CLSTN2: variants seen among roughly 807,000 people sequenced by gnomAD.
The protein encoded by CLSTN2 is calsyntenin-2.
Under a neutral mutation model 101.2 loss-of-function variants are expected in CLSTN2, and 48 were observed. That is an observed-to-expected ratio of 0.47 (90% CI 0.38 to 0.60). The LOEUF (loss-of-function observed/expected upper bound fraction) is 0.60. Among genes scored for constraint, CLSTN2 ranks in the 20% least tolerant of loss-of-function variants. CLSTN2 has a pLI of 0.00. For missense variants in CLSTN2, 1,160 were observed against 1,238.2 expected, an observed-to-expected ratio of 0.94 and a Z score of 0.95; for synonymous variants, 481 against 463.6, an observed-to-expected ratio of 1.04 and a Z score of -0.48.
chr3:139,978,259 C>T (rs1366196938), intron 1 of CLSTN2, among the ~76,000 whole-genome samples: 1 of 152,190 alleles, frequency 6.6e-6, no homozygotes, highest in Non-Finnish European at 1.5e-5. Context: ...GGTGTTAGAA[C>T]TGTTTTCTCA....
intron 2 of CLSTN2, among the ~76,000 whole-genome samples, chr3:140,208,629 C>T (rs914163906): frequency 2.6e-5 from 4 of 152,166 alleles, no homozygotes; most frequent in African/African-American, 9.7e-5. Context: ...GCATCCCTGA[C>T]TCAGTTTTCC....
chr3:140,321,263 G>A (rs558415683), intron 2 of CLSTN2, among the ~76,000 whole-genome samples: 26 of 152,226 alleles, frequency 1.7e-4, no homozygotes, highest in East Asian at 5.8e-4. Context: ...ATCCATAGGC[G>A]CAGAGTAAAT....
chr3:140,123,850 G>GTA (rs66933695), intron 1 of CLSTN2, among the ~76,000 whole-genome samples: 58 of 149,730 alleles, frequency 3.9e-4, no homozygotes, highest in East Asian at 7.9e-4. Flanking sequence ...ATGTGTGTGT[G>GTA]TATATATATA....
At chr3:140,316,945 T>C (rs1290960747) in intron 2 of CLSTN2, among the ~76,000 whole-genome samples, 2 of 152,202 alleles carry the variant, frequency 1.3e-5, no homozygotes, top group Non-Finnish European at 2.9e-5. Flanking sequence ...CATGAAATAA[T>C]GCAGGGTAGG....
chr3:140,526,607 A>C (rs1297739951), intron 8 of CLSTN2, among the ~76,000 whole-genome samples: 2 of 150,322 alleles, frequency 1.3e-5, no homozygotes, highest in Non-Finnish European at 3.0e-5. Flanking sequence ...AAAAAAAAAA[A>C]CAACCACAGC....
At chr3:140,474,995 T>A (rs1933948460) in intron 8 of CLSTN2, among the ~76,000 whole-genome samples, 1 of 128,886 alleles carries the variant, frequency 7.8e-6, no homozygotes, top group Non-Finnish European at 1.9e-5. Flanking sequence ...CCCTCTTGGA[T>A]TGGCTTTTCC....
At chr3:140,073,966 A>G (rs144616909) in intron 1 of CLSTN2, among the ~76,000 whole-genome samples, 66 of 152,240 alleles carry the variant, frequency 4.3e-4, no homozygotes, top group Non-Finnish European at 5.9e-4. Context: ...CTGGTGGTCA[A>G]GGAAGGCTGA....
intron 1 of CLSTN2, among the ~76,000 whole-genome samples, chr3:140,093,844 T>C (rs2008822852): frequency 6.6e-6 from 1 of 152,226 alleles, no homozygotes; most frequent in African/African-American, 2.4e-5. Context: ...AGTAGTATCT[T>C]AAGGATAAGT....
intron 4 of CLSTN2, among the ~76,000 whole-genome samples, chr3:140,413,467 C>T (rs2088389214): frequency 6.6e-6 from 1 of 151,980 alleles, no homozygotes; most frequent in Non-Finnish European, 1.5e-5. Flanking sequence ...CTGAATTCTA[C>T]CCAACATTGA....
chr3:140,299,449 A>C (rs540429552), intron 2 of CLSTN2, among the ~76,000 whole-genome samples: 1 of 152,338 alleles, frequency 6.6e-6, no homozygotes, highest in African/African-American at 2.4e-5. Flanking sequence ...ATGTATCTAC[A>C]TGCATATTCA....
intron 1 of CLSTN2, among the ~76,000 whole-genome samples, chr3:140,092,713 G>C (rs528901186): frequency 3.3e-5 from 5 of 152,144 alleles, no homozygotes; most frequent in African/African-American, 9.7e-5. Context: ...CTGTGGACTC[G>C]AGCAAGTTAA....
chr3:140,218,064 A>T (rs985638416), intron 2 of CLSTN2, among the ~76,000 whole-genome samples: 1 of 152,226 alleles, frequency 6.6e-6, no homozygotes, highest in Non-Finnish European at 1.5e-5. Context: ...AGAATTTATC[A>T]AAAGGATGGA....
At chr3:140,277,676 T>C (rs1233105866) in intron 2 of CLSTN2, among the ~76,000 whole-genome samples, 1 of 151,436 alleles carries the variant, frequency 6.6e-6, no homozygotes, top group Non-Finnish European at 1.5e-5. Flanking sequence ...CCAGTGCACT[T>C]AAAAAAAAAT....
At chr3:140,127,113 G>A (rs570865270) in intron 1 of CLSTN2, among the ~76,000 whole-genome samples, 5 of 151,868 alleles carry the variant, frequency 3.3e-5, no homozygotes, top group East Asian at 1.9e-4. Context: ...ACTTTCTAAA[G>A]TCTGGGAGAA....
At chr3:140,372,855 G>C (rs1451632082) in intron 2 of CLSTN2, among the ~76,000 whole-genome samples, 2 of 152,108 alleles carry the variant, frequency 1.3e-5, no homozygotes, top group Non-Finnish European at 2.9e-5. Context: ...AAGGTGGGAG[G>C]ATGGTTTGAG....
In CLSTN2 at chr3:140,334,852, A is replaced by G. The variant is rs140399584; in HGVS notation, c.233-68777A>G. On this transcript the variant is annotated intron_variant, in intron 2 of 16. Coordinates refer to ENST00000458420, the MANE Select transcript of CLSTN2 (RefSeq NM_022131.3). ...GGGCAATCAGGCTTGAAGCCAGTCC[A>G]GCAATCTGGGAAGCTGACCCTGGAA... Among the ~76,000 whole-genome samples the G allele has an allele frequency of 1.9e-4, 29 of 152,336 alleles. No homozygotes were observed. The East Asian group carries it at 5.6e-3, about 29-fold the overall frequency.
At chr3:140,312,275 C>T (rs879833488) in intron 2 of CLSTN2, among the ~76,000 whole-genome samples, 3 of 152,230 alleles carry the variant, frequency 2.0e-5, no homozygotes, top group Admixed American at 1.3e-4. Flanking sequence ...GACTTCTTCC[C>T]TTTTGGCATG....
chr3:140,530,986 T>G (rs1031836756), intron 8 of CLSTN2, among the ~76,000 whole-genome samples: 1 of 152,316 alleles, frequency 6.6e-6, no homozygotes, highest in African/African-American at 2.4e-5. Flanking sequence ...TTGATTCAGA[T>G]ATGTAGTTCT....
intron 5 of CLSTN2, among the ~76,000 whole-genome samples, chr3:140,440,326 G>T (rs955869734): frequency 5.9e-5 from 9 of 152,188 alleles, no homozygotes; most frequent in African/African-American, 2.2e-4. Flanking sequence ...CTTCTTCATA[G>T]GAATTAAAAG....
Sources: allele counts gnomAD v4.1 joint callset (sites outside exome capture counted in the v4.1 genomes callset), GRCh38; gene constraint gnomAD v4.1.1; transcripts MANE v1.5; gene names NCBI Gene and HGNC (gene_info 2026-07-23, HGNC 2026-07-21).